ZNF804B: variants seen among roughly 807,000 people sequenced by gnomAD.
ZNF804B encodes the protein zinc finger 804B.
A neutral mutation model predicts 101.4 loss-of-function variants in ZNF804B; 80 were observed. The ratio of observed to expected loss-of-function variants is 0.79; its 90% CI spans 0.66 to 0.95. The LOEUF (loss-of-function observed/expected upper bound fraction) is 0.95. ZNF804B is among the 40% of genes least tolerant of loss of function. The probability of loss-of-function intolerance (pLI) is 0.00; values close to 1 mark genes in which losing one functional copy is unlikely to be tolerated. For missense variants in ZNF804B, 1,673 were observed against 1,561.9 expected, an observed-to-expected ratio of 1.07 and a Z score of -1.20; for synonymous variants, 622 against 558.8, an observed-to-expected ratio of 1.11 and a Z score of -1.59.
At chr7:88,919,039 C>A (rs1792680052) in intron 1 of ZNF804B, among the ~76,000 whole-genome samples, 1 of 151,978 alleles carries the variant, frequency 6.6e-6, no homozygotes, top group Non-Finnish European at 1.5e-5. Flanking sequence ...GTTTATACTG[C>A]TCAGTTTTCA....
intron 1 of ZNF804B, among the ~76,000 whole-genome samples, chr7:89,028,686 T>C (rs1265018147): frequency 1.3e-5 from 2 of 152,172 alleles, no homozygotes; most frequent in Non-Finnish European, 2.9e-5. Context: ...AAAATTATGC[T>C]TTGTTTGTGC....
At chr7:88,881,443 TTAAA>T (rs1363532143) in intron 1 of ZNF804B, among the ~76,000 whole-genome samples, 2 of 152,176 alleles carry the variant, frequency 1.3e-5, no homozygotes, top group African/African-American at 4.8e-5. Context: ...GCCCAATTCT[TTAAA>T]TAAGAATGCA....
intron 2 of ZNF804B, among the ~76,000 whole-genome samples, chr7:89,276,250 T>C (rs1244377848): frequency 1.3e-5 from 2 of 151,640 alleles, no homozygotes; most frequent in African/African-American, 4.9e-5. Context: ...GGTTGATAGG[T>C]GCAACAAAAC....
rs1376108712 is a variant in ZNF804B, at chr7:89,319,365, A to G, written c.250-7979A>G. 2.0e-5 allele frequency among the ~76,000 whole-genome samples: 3 copies of G among 152,344 alleles called. No individual in the cohort carries two copies. The East Asian group carries it at 5.8e-4, about 29-fold the overall frequency. The stretch of plus-strand genomic sequence containing the variant: ...GTTATATTCACGCCATTCACTATCA[A>G]TAATAAATGTTTTGTGATGAATATT... On this transcript the variant is annotated intron_variant, in intron 2 of 3. Coordinates refer to ENST00000333190, the MANE Select transcript of ZNF804B (RefSeq NM_181646.5).
At chr7:89,138,464 A>T (rs1364518257) in intron 1 of ZNF804B, among the ~76,000 whole-genome samples, 1 of 152,144 alleles carries the variant, frequency 6.6e-6, no homozygotes. Flanking sequence ...CATGTCTCAG[A>T]TGAGACTTTG....
At chr7:89,322,643 A>C (rs568464791) in intron 2 of ZNF804B, among the ~76,000 whole-genome samples, 1 of 152,138 alleles carries the variant, frequency 6.6e-6, no homozygotes, top group South Asian at 2.1e-4. Context: ...TTTTGGAACA[A>C]TGTTTTGACA....
chr7:89,207,460 A>G (rs1434926277), intron 1 of ZNF804B, among the ~76,000 whole-genome samples: 1 of 152,170 alleles, frequency 6.6e-6, no homozygotes, highest in East Asian at 1.9e-4. Flanking sequence ...AGCACAGGAA[A>G]AAACCCACCC....
chr7:88,972,867 A>C (rs1027289436), intron 1 of ZNF804B, among the ~76,000 whole-genome samples: 10 of 151,600 alleles, frequency 6.6e-5, no homozygotes, highest in Admixed American at 1.3e-4. Context: ...ACAGGAGTAC[A>C]TATAGCGTTA....
At chr7:88,940,050 G>A (rs1294408099) in intron 1 of ZNF804B, among the ~76,000 whole-genome samples, 5 of 151,890 alleles carry the variant, frequency 3.3e-5, no homozygotes, top group Admixed American at 1.3e-4. Context: ...ATTAATTCAT[G>A]TATTTGAAAG....
At chr7:89,246,428 C>T (rs536558373) in intron 2 of ZNF804B, among the ~76,000 whole-genome samples, 1 of 139,806 alleles carries the variant, frequency 7.2e-6, no homozygotes, top group African/African-American at 3.3e-5. Flanking sequence ...GCTTAAGCCT[C>T]CTCACACTTC....
chr7:89,240,555 T>G (rs952145495), intron 2 of ZNF804B, among the ~76,000 whole-genome samples: 10 of 152,106 alleles, frequency 6.6e-5, no homozygotes, highest in African/African-American at 2.4e-4. Context: ...GATTTAGAAA[T>G]GAATTCCCTC....
intron 1 of ZNF804B, among the ~76,000 whole-genome samples, chr7:89,038,088 T>TA (rs1457135888): frequency 6.6e-6 from 1 of 152,198 alleles, no homozygotes; most frequent in Non-Finnish European, 1.5e-5. Flanking sequence ...GATGTGCACT[T>TA]ACATTGATTC....
intron 1 of ZNF804B, among the ~76,000 whole-genome samples, chr7:89,058,444 T>C (rs1453694483): frequency 6.6e-6 from 1 of 152,154 alleles, no homozygotes; most frequent in Non-Finnish European, 1.5e-5. Flanking sequence ...TTTTACTTTC[T>C]ACACCTTTGA....
intron 1 of ZNF804B, among the ~76,000 whole-genome samples, chr7:89,140,583 A>G (rs1035384481): frequency 2.0e-5 from 3 of 152,158 alleles, no homozygotes; most frequent in East Asian, 1.9e-4. Flanking sequence ...TTGCAATTTT[A>G]TGTTATGTAG....
chr7:88,815,814 G>C (rs1292065571), intron 1 of ZNF804B, among the ~76,000 whole-genome samples: 1 of 151,050 alleles, frequency 6.6e-6, no homozygotes, highest in Non-Finnish European at 1.5e-5. Context: ...CTCTCCCACT[G>C]CATGGTCACC....
At chr7:88,770,998 T>A (rs1215548840) in intron 1 of ZNF804B, among the ~76,000 whole-genome samples, 18 of 152,180 alleles carry the variant, frequency 1.2e-4, no homozygotes, top group Admixed American at 1.2e-3. Context: ...ATACTGATAG[T>A]TCTTATATTC....
At chr7:89,056,209 T>A (rs1319339275) in intron 1 of ZNF804B, among the ~76,000 whole-genome samples, 2 of 152,042 alleles carry the variant, frequency 1.3e-5, no homozygotes, top group African/African-American at 4.8e-5. Flanking sequence ...CTTTCAAGGA[T>A]GTAAACACTT....
At chr7:89,166,408 T>C (rs1017071256) in intron 1 of ZNF804B, among the ~76,000 whole-genome samples, 3 of 152,198 alleles carry the variant, frequency 2.0e-5, no homozygotes, top group African/African-American at 7.2e-5. Context: ...GTGTATCACA[T>C]ACTGTATTCA....
intron 2 of ZNF804B, among the ~76,000 whole-genome samples, chr7:89,300,992 T>C (rs527686735): frequency 1.7e-4 from 25 of 151,256 alleles, no homozygotes; most frequent in African/African-American, 5.8e-4. Flanking sequence ...GCTACTAATA[T>C]ATAACTTAGG....
Sources: gnomAD v4.1 joint callset for allele counts (sites outside exome capture counted in the v4.1 genomes callset) on GRCh38, gnomAD v4.1.1 for gene constraint, MANE v1.5 for transcripts, NCBI Gene and HGNC (gene_info 2026-07-23, HGNC 2026-07-21) for gene names.